The following EXOC4 variants were observed in gnomAD, a reference collection of about 807,000 sequenced individuals.
The protein encoded by EXOC4 is SEC8-like 1.
In EXOC4, 71 loss-of-function variants were observed where a neutral mutation model predicts 107.2. The observed-to-expected ratio is 0.66, with a 90% CI of 0.55 to 0.81. The LOEUF (loss-of-function observed/expected upper bound fraction) is 0.81, where lower values mean the gene tolerates loss of function less well. Ranked by LOEUF, EXOC4 falls within the 30% of genes least tolerant of loss-of-function variation. The probability of loss-of-function intolerance (pLI) is 0.00; values close to 1 mark genes in which losing one functional copy is unlikely to be tolerated. For missense variants in EXOC4, 1,108 were observed against 1,189.6 expected, an observed-to-expected ratio of 0.93 and a Z score of 1.01; for synonymous variants, 456 against 441.2, an observed-to-expected ratio of 1.03 and a Z score of -0.42.
chr7:133,468,346 T>C (rs1667183146), intron 7 of EXOC4, among the ~76,000 whole-genome samples: 1 of 45,444 alleles, frequency 2.2e-5, no homozygotes, highest in South Asian at 1.2e-3. Flanking sequence ...CTTTCCTTAC[T>C]GCAGAATATT....
intron 14 of EXOC4, among the ~76,000 whole-genome samples, chr7:133,965,617 C>G (rs1801046689): frequency 6.6e-6 from 1 of 152,092 alleles, no homozygotes; most frequent in African/African-American, 2.4e-5. Flanking sequence ...TCAGGTTGGT[C>G]AAAGATCAGA....
At chr7:133,374,689 A>G in intron 6 of EXOC4, 139 bp from the exon 7 acceptor site, 1 of 634,936 alleles carries the variant, frequency 1.6e-6, no homozygotes, top group East Asian at 2.9e-5. Flanking sequence ...GTTTGAATTC[A>G]CATCTGCTGA....
chr7:133,394,073 T>C (rs1319618887), intron 7 of EXOC4, among the ~76,000 whole-genome samples: 1 of 152,146 alleles, frequency 6.6e-6, no homozygotes, highest in East Asian at 1.9e-4. Flanking sequence ...TGTCATGAAA[T>C]AATGGGCATG....
chr7:133,374,879 C>T lies in EXOC4; in HGVS notation c.1059C>T (p.Ala353=), dbSNP rs1029366185. The T allele has an allele frequency of 6.8e-6, 11 of 1,613,734 alleles. No homozygotes were observed. Among genetic ancestry groups the T allele is most frequent in the South Asian group, 5.5e-5 (5 of 91,060 alleles). ...ELLFDKFNAV[A]AAHSVVLGYL... ...TGTTTGACAAGTTTAATGCTGTAGC[C>T]GCTGCACACTCTGTGGTCCTGGGAT... is the stretch of plus-strand genomic sequence containing the variant. Residue 353 remains alanine (A), a synonymous_variant, in exon 7 of 18, where the codon GCC becomes GCT. Coordinates refer to ENST00000253861, the MANE Select transcript of EXOC4 (RefSeq NM_021807.4).
At chr7:133,778,148 A>G (rs1796384593) in intron 10 of EXOC4, among the ~76,000 whole-genome samples, 1 of 152,198 alleles carries the variant, frequency 6.6e-6, no homozygotes. Context: ...CCAAAGTATT[A>G]CGAGTTTTGA....
intron 14 of EXOC4, among the ~76,000 whole-genome samples, chr7:133,953,824 C>T (rs1240446838): frequency 6.6e-6 from 1 of 152,128 alleles, no homozygotes. Context: ...TACATTGAAG[C>T]ATGGGAAGGA....
Position 133,425,969 on chromosome 7 carries a change from C to T in EXOC4, c.1183-49359C>T, listed in dbSNP as rs577592250. The stretch of plus-strand genomic sequence containing the variant: ...AATGTATTTGATTGACGTCTGATGC[C>T]TCCCTGAAATGTGTAAAACCAAACT... On this transcript the variant is annotated intron_variant, in intron 7 of 17. Coordinates refer to ENST00000253861, the MANE Select transcript of EXOC4 (RefSeq NM_021807.4). 7.2e-5 allele frequency among the ~76,000 whole-genome samples: 11 copies of T among 152,282 alleles called. No homozygotes were observed. In the East Asian group the frequency reaches 9.6e-4, roughly 13 times the overall value.
intron 9 of EXOC4, among the ~76,000 whole-genome samples, chr7:133,543,027 A>G (rs2150933475): frequency 6.6e-6 from 1 of 152,292 alleles, no homozygotes; most frequent in South Asian, 2.1e-4. Flanking sequence ...TTATCCCACA[A>G]ACATAACAGC....
intron 10 of EXOC4, among the ~76,000 whole-genome samples, chr7:133,648,682 A>T (rs1197208811): frequency 6.6e-6 from 1 of 152,186 alleles, no homozygotes; most frequent in East Asian, 1.9e-4. Flanking sequence ...AGATACATTT[A>T]TATATTTATT....
At chr7:133,898,711 A>C (rs1799378942) in intron 12 of EXOC4, among the ~76,000 whole-genome samples, 1 of 139,176 alleles carries the variant, frequency 7.2e-6, no homozygotes, top group African/African-American at 2.8e-5. Context: ...GCGCCACTGC[A>C]CTCCAGCCTG....
In EXOC4 at chr7:133,845,816, A is replaced by G. The variant is rs116530499; in HGVS notation, c.1734+28272A>G. ...CATGCCATGAACACAAGTCAGAGTA[A>G]TCTGATTCTTTGCTGCAGTGGCATT... is the stretch of plus-strand genomic sequence containing the variant. On this transcript the variant is annotated intron_variant, in intron 11 of 17. Transcript: ENST00000253861. 2.4e-3 allele frequency among the ~76,000 whole-genome samples: 366 copies of G among 152,280 alleles called. 5 individuals carry two copies. The highest frequency in any genetic ancestry group is 8.2e-3 in the African/African-American group (342 of 41,546).
At chr7:133,693,593 A>G (rs1015992556) in intron 10 of EXOC4, among the ~76,000 whole-genome samples, 1 of 152,192 alleles carries the variant, frequency 6.6e-6, no homozygotes, top group Non-Finnish European at 1.5e-5. Context: ...TCGTGTAGCC[A>G]CGATTCAAAC....
intron 9 of EXOC4, among the ~76,000 whole-genome samples, chr7:133,501,574 T>G (rs1799576563): frequency 2.0e-5 from 3 of 152,202 alleles, no homozygotes. Context: ...AACCTTGTCT[T>G]ATTAAAATAG....
chr7:134,028,133 C>T (rs146240328), intron 17 of EXOC4, among the ~76,000 whole-genome samples: 1 of 152,302 alleles, frequency 6.6e-6, no homozygotes, highest in East Asian at 1.9e-4. Flanking sequence ...CTGATACAAT[C>T]CTAAGAGTAT....
intron 5 of EXOC4, among the ~76,000 whole-genome samples, chr7:133,353,079 A>G (rs1229492800): frequency 6.6e-6 from 1 of 152,146 alleles, no homozygotes; most frequent in Non-Finnish European, 1.5e-5. Context: ...AACCAAAGTT[A>G]ACAGTAATAC....
downstream of EXOC4, among the ~76,000 whole-genome samples, chr7:134,070,377 G>C (rs1004034918): frequency 2.6e-5 from 4 of 152,192 alleles, no homozygotes; most frequent in Admixed American, 6.5e-5. Context: ...GAATTTTGAA[G>C]AGGTGTAGTA....
At chr7:133,434,333 C>G (rs1797919838) in intron 7 of EXOC4, among the ~76,000 whole-genome samples, 1 of 152,032 alleles carries the variant, frequency 6.6e-6, no homozygotes, top group South Asian at 2.1e-4. Context: ...GTATTAGAAC[C>G]CATTCTTCAA....
chr7:133,475,354 G>A lies in EXOC4; in HGVS notation c.1209G>A (p.Met403Ile), dbSNP rs777395455. 2.5e-6 allele frequency: 4 copies of A among 1,613,672 alleles called. No homozygotes were observed. The highest frequency in any genetic ancestry group is 8.5e-7 in the Non-Finnish European group (1 of 1,179,632). The change falls in exon 8 of 18, where the codon ATG (methionine) becomes ATA (isoleucine). Residue 403 changes from methionine to isoleucine, a missense_variant. Transcript: ENST00000253861. ...TGCTATTAACTGAGTACTTGGATATGAAAAATACTCGTACGGCCTCTGAAC... is the reference window on the plus strand; with the variant it reads ...TGCTATTAACTGAGTACTTGGATATAAAAAATACTCGTACGGCCTCTGAAC... ...LQMLLTEYLD[M>I]KNTRTASEPS...
rs532692119 is a variant in EXOC4, at chr7:133,594,493, C to CTTTT, written c.1418-35535_1418-35532dup. 1.1e-3 allele frequency among the ~76,000 whole-genome samples: 96 copies of CTTTT among 90,336 alleles called. 7 individuals carry two copies. Among genetic ancestry groups the CTTTT allele is most frequent in the South Asian group, 2.3e-3 (5 of 2,212 alleles). The allele number at this position is 90,336 out of a possible 152,430, so 59.3% of individuals were successfully genotyped here. ...AGACAAGAAATACATAAGCTTGAGT[C>CTTTT]TTTTTTTTTTTTTTTTTTTTGAGAC... On this transcript the variant is annotated intron_variant, in intron 9 of 17. Transcript: ENST00000253861.
Sources: allele counts gnomAD v4.1 joint callset (sites outside exome capture counted in the v4.1 genomes callset), GRCh38; gene constraint gnomAD v4.1.1; transcripts MANE v1.5; gene names NCBI Gene and HGNC (gene_info 2026-07-23, HGNC 2026-07-21).